The following EP400 variants were observed in gnomAD, a reference collection of about 807,000 sequenced individuals.
EP400 encodes the protein E1A-binding protein p400.
Under a neutral mutation model 354.1 loss-of-function variants are expected in EP400, and 105 were observed. The observed-to-expected ratio is 0.30, with a 90% CI of 0.25 to 0.35. The LOEUF is 0.35. Among genes scored for constraint, EP400 ranks in the 10% least tolerant of loss-of-function variants. The pLI is 1.00. For synonymous variants in EP400, 1,646 were observed against 1,716.9 expected, an observed-to-expected ratio of 0.96 and a Z score of 1.02; for missense variants, 3,280 against 4,121.0, an observed-to-expected ratio of 0.80 and a Z score of 5.59.
rs772766957 is a variant in EP400 at position 132,044,947 on chromosome 12, C to A, written c.6778C>A (p.Pro2260Thr). The A allele has an allele frequency of 3.1e-6, 5 of 1,613,964 alleles. No individual in the cohort carries two copies. The South Asian group carries it at 5.5e-5, about 18-fold the overall frequency. ...RKERKRHKTDPSAAGRKKKQR... is the reference protein window; with the variant it reads ...RKERKRHKTDTSAAGRKKKQR... ...GGAGCGGAAGCGACACAAAACAGAC[C>A]CCTCAGGTGCGCATCCCGAGGGCGT... The change falls in exon 37 of 53, where the codon CCC becomes ACC. Residue 2260 changes from proline (P) to threonine (T), a missense_variant. Around this residue, in one of 20 missense-constraint regions of EP400, gnomAD observed 231 missense variants for 257.9 expected, o/e 0.90. Coordinates refer to ENST00000389561, the MANE Select transcript of EP400 (RefSeq NM_015409.5).
At chr12:131,967,073 C>A (rs1211965379) in intron 2 of EP400, among the ~76,000 whole-genome samples, 1 of 151,792 alleles carries the variant, frequency 6.6e-6, no homozygotes, top group Non-Finnish European at 1.5e-5. Context: ...CATAGTGAGA[C>A]CCTGTCTCAA....
At chr12:132,014,678 G>A (rs1487230983) in intron 19 of EP400, among the ~76,000 whole-genome samples, 1 of 152,122 alleles carries the variant, frequency 6.6e-6, no homozygotes, top group East Asian at 1.9e-4. Context: ...CCCCTACCCC[G>A]TGCCACCTCA....
chr12:132,063,744 G>A (rs190946863), intron 47 of EP400, among the ~76,000 whole-genome samples: 58 of 152,208 alleles, frequency 3.8e-4, no homozygotes, highest in Admixed American at 2.5e-3. Context: ...GAGGGCTGTC[G>A]GTGGAATTTA....
intron 10 of EP400, 60 bp downstream of exon 10, chr12:131,991,516 G>A (rs1893032408): frequency 6.8e-6 from 10 of 1,474,874 alleles, no homozygotes; most frequent in Non-Finnish European, 9.5e-6. Context: ...CCAGTAGAGT[G>A]GGCCTTTTCA....
chr12:131,991,349 G>A, intron 9 of EP400, 58 bp from the exon 10 acceptor site: 1 of 1,583,518 alleles, frequency 6.3e-7, no homozygotes, highest in Non-Finnish European at 8.7e-7. Context: ...GGAAAGCAGA[G>A]ACGCCCTCGC....
At position 132,062,414 on chromosome 12, in the gene EP400, T is replaced by A. The variant is rs541485553; in HGVS notation, c.8099-52T>A. ...TGCTTGCTGTCTGAGAATGAGGATC[T>A]GAAGGTGGGCGAGTATCCCTGTCCA... On this transcript the variant is annotated intron_variant, in intron 46 of 52. Transcript: ENST00000389561. 4 of 1,610,602 alleles carry A rather than the reference T, an allele frequency of 2.5e-6. 1 individual carries two copies. Among genetic ancestry groups the A allele is most frequent in the African/African-American group, 1.3e-5 (1 of 74,984 alleles).
intron 32 of EP400, among the ~76,000 whole-genome samples, chr12:132,042,409 G>A (rs983458383): frequency 1.3e-5 from 2 of 152,182 alleles, no homozygotes; most frequent in African/African-American, 4.8e-5. Context: ...ACCATCCAGG[G>A]CCCACATCTG....
Position 132,067,330 on chromosome 12 carries a change from T to C in EP400, c.8750-32T>C. The C allele has an allele frequency of 6.2e-7, 1 of 1,602,386 alleles. No individual in the cohort carries two copies. Among genetic ancestry groups the C allele is most frequent in the Non-Finnish European group, 8.5e-7 (1 of 1,172,798 alleles). On this transcript the variant is annotated intron_variant, in intron 49 of 52. Transcript: ENST00000389561. This position sits in a 1 kb window ranked among gnomAD's most constrained non-coding sequence, Gnocchi z 5.3. Reference sequence around the variant, plus strand: ...CGTGAGCCTCAAGCTCTTTTCCCAGTGTGCTGACTAAGGGGCTTTTGCTGC... The same window carrying C: ...CGTGAGCCTCAAGCTCTTTTCCCAGCGTGCTGACTAAGGGGCTTTTGCTGC...
chr12:132,008,701 C>T (rs1376328240), intron 15 of EP400, among the ~76,000 whole-genome samples: 1 of 150,684 alleles, frequency 6.6e-6, no homozygotes, highest in Non-Finnish European at 1.5e-5. Context: ...TTGAGGCCTC[C>T]TGGGCAGGAG....
At chr12:131,979,499 A>G (rs1319780344) in intron 2 of EP400, among the ~76,000 whole-genome samples, 195 bp from the exon 3 acceptor site, 1 of 152,174 alleles carries the variant, frequency 6.6e-6, no homozygotes, top group Non-Finnish European at 1.5e-5. Flanking sequence ...TTTCCCCCAG[A>G]GGTAAGTTAG....
chr12:132,051,064 G>GGAAT (rs1286609273), intron 41 of EP400: 1 of 270,634 alleles, frequency 3.7e-6, no homozygotes, highest in African/African-American at 2.2e-5. Context: ...GGGGAAAAGA[G>GGAAT]GAATGAATGA....
At position 131,990,142 on chromosome 12, in the gene EP400, T is replaced by A; in HGVS notation, c.2550+38T>A. On this transcript the variant is annotated intron_variant, in intron 8 of 52. Coordinates refer to ENST00000389561, the MANE Select transcript of EP400 (RefSeq NM_015409.5). This position sits in a 1 kb window ranked among gnomAD's most constrained non-coding sequence, Gnocchi z 4.2. Reference sequence around the variant, plus strand: ...GTTGTCATGGGGTCGTAAGAATCAGTCTGTCGGAGCTGGTGAGGCCACTTC... The same window carrying A: ...GTTGTCATGGGGTCGTAAGAATCAGACTGTCGGAGCTGGTGAGGCCACTTC... 10 of 1,576,684 alleles carry A rather than the reference T, an allele frequency of 6.3e-6. No individual in the cohort carries two copies. Among genetic ancestry groups the A allele is most frequent in the Non-Finnish European group, 8.6e-6 (10 of 1,164,912 alleles).
chr12:132,024,547 G>A (rs1490324969), intron 24 of EP400, among the ~76,000 whole-genome samples: 2 of 152,196 alleles, frequency 1.3e-5, no homozygotes, highest in East Asian at 1.9e-4. Flanking sequence ...GAAGAGCAGT[G>A]TGTTTATATA....
chr12:132,007,170 G>T (rs912644434), intron 15 of EP400, among the ~76,000 whole-genome samples: 1 of 152,250 alleles, frequency 6.6e-6, no homozygotes, highest in African/African-American at 2.4e-5. Context: ...GTGGGCAGCA[G>T]AGCAGGTGGT....
intron 3 of EP400, 109 bp from the exon 4 acceptor site, chr12:131,981,380 A>T: frequency 3.8e-6 from 3 of 795,550 alleles, no homozygotes; most frequent in African/African-American, 1.7e-5. Flanking sequence ...TAGTTCATGT[A>T]TAGAAAGGCC....
At chr12:131,978,646 C>T (rs1892564375) in intron 2 of EP400, among the ~76,000 whole-genome samples, 1 of 151,998 alleles carries the variant, frequency 6.6e-6, no homozygotes, top group African/African-American at 2.4e-5. Flanking sequence ...GCTAGGACTA[C>T]AGGCATGTGT....
intron 32 of EP400, among the ~76,000 whole-genome samples, chr12:132,040,708 G>GA (rs1329599879): frequency 1.3e-5 from 2 of 152,232 alleles, no homozygotes; most frequent in African/African-American, 4.8e-5. Context: ...ATTCACATGA[G>GA]AAGTTGTGAA....
At chr12:132,062,078 A>AT in intron 45 of EP400, 32 bp from the exon 46 acceptor site, 1 of 1,593,718 alleles carries the variant, frequency 6.3e-7, no homozygotes, top group Non-Finnish European at 8.6e-7. Flanking sequence ...TGTGTGAAAT[A>AT]TTTGATGAGG....
intron 2 of EP400, among the ~76,000 whole-genome samples, chr12:131,972,419 C>G (rs1434247449): frequency 6.6e-6 from 1 of 152,084 alleles, no homozygotes; most frequent in African/African-American, 2.4e-5. Flanking sequence ...TCCCAAAGTG[C>G]TGGGATTACA....
Sources: gnomAD v4.1 joint callset for allele counts (sites outside exome capture counted in the v4.1 genomes callset) on GRCh38, gnomAD v4.1.1 for gene constraint, gnomAD v4.1.1 regional missense constraint, Gnocchi (gnomAD v3.1) non-coding constraint, MANE v1.5 for transcripts, NCBI Gene and HGNC (gene_info 2026-07-23, HGNC 2026-07-21) for gene names.